The following TRAPPC9 variants were observed in gnomAD, a reference collection of about 807,000 sequenced individuals.
TRAPPC9 encodes the protein trafficking protein particle complex subunit 9, also known as IKK2 binding protein.
In TRAPPC9, 83 loss-of-function variants were observed where a neutral mutation model predicts 124.0. The observed-to-expected ratio is 0.67, with a 90% CI of 0.56 to 0.80. The LOEUF (loss-of-function observed/expected upper bound fraction) is 0.80, where lower values mean the gene tolerates loss of function less well. TRAPPC9 is among the 30% of genes least tolerant of loss of function. TRAPPC9 has a pLI of 0.00. For synonymous variants in TRAPPC9, 638 were observed against 617.5 expected, an observed-to-expected ratio of 1.03 and a Z score of -0.49; for missense variants, 1,302 against 1,508.3, an observed-to-expected ratio of 0.86 and a Z score of 2.27.
chr8:139,783,720 A>G (rs150129530), intron 21 of TRAPPC9, among the ~76,000 whole-genome samples: 124 of 152,368 alleles, frequency 8.1e-4, no homozygotes, highest in South Asian at 1.2e-3. Context: ...AATATCCCTT[A>G]TAAACATAGA....
chr8:140,154,432 T>C lies in TRAPPC9; in HGVS notation c.2556+67027A>G, dbSNP rs73362904. Reference sequence around the variant, plus strand: ...TCCAGCAGCTGGGGTGCAAATCTCATTGTCTTGCTCCTCCTCAAGCGCAGT... The same window carrying C: ...TCCAGCAGCTGGGGTGCAAATCTCACTGTCTTGCTCCTCCTCAAGCGCAGT... On this transcript the variant is annotated intron_variant, in intron 17 of 22. Transcript: ENST00000438773. 9.4e-3 allele frequency among the ~76,000 whole-genome samples: 1,433 copies of C among 152,266 alleles called. 22 individuals are homozygous for C. The highest frequency in any genetic ancestry group is 0.032 in the African/African-American group (1,336 of 41,542).
intron 8 of TRAPPC9, among the ~76,000 whole-genome samples, chr8:140,366,524 CA>C (rs970335195): frequency 6.6e-6 from 1 of 151,944 alleles, no homozygotes; most frequent in Non-Finnish European, 1.5e-5. Context: ...CATCCACAAG[CA>C]AAAAAATAAC....
chr8:140,434,331 G>A (rs547693467), intron 4 of TRAPPC9, among the ~76,000 whole-genome samples: 13 of 152,258 alleles, frequency 8.5e-5, no homozygotes, highest in African/African-American at 2.2e-4. Flanking sequence ...GGACCAAAAC[G>A]TTCATGTTCA....
intron 21 of TRAPPC9, among the ~76,000 whole-genome samples, chr8:139,766,889 G>A (rs1216723820): frequency 6.6e-6 from 1 of 152,220 alleles, no homozygotes; most frequent in Admixed American, 6.5e-5. Context: ...GCTGTCTTGT[G>A]CGTCCCGCAG....
intron 7 of TRAPPC9, among the ~76,000 whole-genome samples, chr8:140,395,661 CAT>C (rs1201395695): frequency 6.6e-6 from 1 of 152,198 alleles, no homozygotes; most frequent in Non-Finnish European, 1.5e-5. Context: ...AACATTTCAA[CAT>C]ATTAAATCTG....
At chr8:139,801,645 T>A (rs1193350652) in intron 21 of TRAPPC9, among the ~76,000 whole-genome samples, 3 of 152,214 alleles carry the variant, frequency 2.0e-5, no homozygotes, top group Non-Finnish European at 2.9e-5. Flanking sequence ...GGGATTCCTG[T>A]TCCAGCCAGG....
At chr8:139,949,015 GT>G (rs1043148843) in intron 19 of TRAPPC9, among the ~76,000 whole-genome samples, 155 of 152,210 alleles carry the variant, frequency 1.0e-3, no homozygotes, top group African/African-American at 3.6e-3. Flanking sequence ...AGAGGTTGCC[GT>G]GAGCCAAGAT....
At chr8:140,196,896 G>T (rs4736149) in intron 17 of TRAPPC9, among the ~76,000 whole-genome samples, 1 of 152,172 alleles carries the variant, frequency 6.6e-6, no homozygotes, top group Admixed American at 6.5e-5. Context: ...AACACTCAAC[G>T]ATCCACTATA....
intron 19 of TRAPPC9, chr8:139,932,466 G>C (rs1563931782): frequency 2.2e-6 from 1 of 457,658 alleles, no homozygotes; most frequent in Non-Finnish European, 4.4e-6. Context: ...TCCTGGGGTA[G>C]AAATGTCATG....
intron 16 of TRAPPC9, among the ~76,000 whole-genome samples, chr8:140,232,274 G>A (rs2063618155): frequency 1.3e-5 from 2 of 151,894 alleles, no homozygotes; most frequent in Admixed American, 6.6e-5. Context: ...ATGCCAGAAT[G>A]GATTGCTTTA....
chr8:140,244,785 A>G (rs1055762611), intron 16 of TRAPPC9, among the ~76,000 whole-genome samples: 2 of 148,852 alleles, frequency 1.3e-5, no homozygotes, highest in Middle Eastern at 3.6e-3. Flanking sequence ...ATTATTACTA[A>G]GGTGTTTCCA....
At chr8:140,352,175 T>C (rs141096944) in intron 9 of TRAPPC9, among the ~76,000 whole-genome samples, 91 of 152,334 alleles carry the variant, frequency 6.0e-4, no homozygotes, top group Non-Finnish European at 1.1e-3. Flanking sequence ...TAAAGGATCA[T>C]CCACACCACA....
At chr8:139,945,543 C>CAAAAAAAAAAAAAA (rs61528944) in intron 19 of TRAPPC9, among the ~76,000 whole-genome samples, 13 of 66,168 alleles carry the variant, frequency 2.0e-4, no homozygotes, top group Non-Finnish European at 2.5e-4. Context: ...GCACAATTAG[C>CAAAAAAAAAAAAAA]AAAAAAAAAA....
intron 20 of TRAPPC9, among the ~76,000 whole-genome samples, chr8:139,899,654 GC>G (rs1403237070): frequency 4.6e-5 from 7 of 152,072 alleles, no homozygotes; most frequent in Non-Finnish European, 1.0e-4. Flanking sequence ...CAAGAGAGAG[GC>G]CCCATCCCAT....
intron 17 of TRAPPC9, among the ~76,000 whole-genome samples, chr8:140,136,135 A>G (rs2130739910): frequency 1.3e-5 from 2 of 152,256 alleles, no homozygotes; most frequent in Middle Eastern, 3.4e-3. Context: ...TACATTCCCC[A>G]CGCCCTGCAA....
intron 9 of TRAPPC9, among the ~76,000 whole-genome samples, chr8:140,312,569 T>C (rs925001155): frequency 1.4e-4 from 21 of 152,098 alleles, no homozygotes; most frequent in African/African-American, 5.1e-4. Context: ...ATCATTATCA[T>C]ATAGCTGCAC....
At chr8:140,152,355 CTTTTTTTT>C (rs34124150) in intron 17 of TRAPPC9, among the ~76,000 whole-genome samples, 1 of 93,878 alleles carries the variant, frequency 1.1e-5, no homozygotes, top group Non-Finnish European at 2.0e-5. Flanking sequence ...ATATTGCCAT[CTTTTTTTT>C]TTTTTTTTTT....
intron 16 of TRAPPC9, among the ~76,000 whole-genome samples, chr8:140,231,252 A>G (rs1254750307): frequency 6.6e-6 from 1 of 152,182 alleles, no homozygotes; most frequent in African/African-American, 2.4e-5. Flanking sequence ...TTCCAGGGAC[A>G]GTGATGCAAG....
rs991517273 is a variant in TRAPPC9 at position 140,037,910 on chromosome 8, A to ACACACACC, written c.2557-13832_2557-13831insGGTGTGTG. Among the ~76,000 whole-genome samples, 11 of 129,234 alleles carry ACACACACC rather than the reference A, an allele frequency of 8.5e-5. 1 individual carries two copies. Among genetic ancestry groups the ACACACACC allele is most frequent in the African/African-American group, 2.9e-4 (11 of 37,880 alleles). The allele number at this position is 129,234 out of a possible 152,430, so 84.8% of individuals were successfully genotyped here. On this transcript the variant is annotated intron_variant, in intron 17 of 22. Coordinates refer to ENST00000438773, the MANE Select transcript of TRAPPC9 (RefSeq NM_001160372.4). ...CACACACACACACACACACACACAC[A>ACACACACC]CCCCAGAGCTTCCCTCGTGCTGCAT...
Sources: gnomAD v4.1 joint callset for allele counts (sites outside exome capture counted in the v4.1 genomes callset) on GRCh38, gnomAD v4.1.1 for gene constraint, MANE v1.5 for transcripts, NCBI Gene and HGNC (gene_info 2026-07-23, HGNC 2026-07-21) for gene names.